The following OR2G6 variants were observed in gnomAD, a reference collection of about 807,000 sequenced individuals.
OR2G6 encodes the protein olfactory receptor 2G6.
For synonymous variants in OR2G6, 183 were observed against 155.2 expected (o/e 1.18, Z -1.33); for missense variants, 457 against 391.3 (o/e 1.17, Z -1.42).
intron 1 of OR2G6, among the ~76,000 whole-genome samples, chr1:248,521,041 A>T (rs904968435): frequency 2.9e-4 from 1 of 3,474 alleles, no homozygotes; most frequent in Non-Finnish European, 1.1e-3. Flanking sequence ...GATTCCATCT[A>T]AAAAAAAAAA....
At chr1:248,521,405 A>C (rs1664282651) in intron 1 of OR2G6, among the ~76,000 whole-genome samples, 1 of 152,286 alleles carries the variant, frequency 6.6e-6, no homozygotes, top group Admixed American at 6.5e-5. Flanking sequence ...ATGTTAATAC[A>C]ATACTTTTGT....
intron 1 of OR2G6, among the ~76,000 whole-genome samples, chr1:248,520,189 T>C (rs866588600): frequency 2.8e-4 from 43 of 151,880 alleles, no homozygotes; most frequent in Admixed American, 6.6e-4. Flanking sequence ...AAAGCAAACA[T>C]CGCATGTTCT....
In OR2G6 at chr1:248,526,530, T is replaced by C. The variant is rs1659116572; in HGVS notation, c.*3933T>C. 1 of 152,228 alleles carries C rather than the reference T, an allele frequency of 6.6e-6. No homozygotes were observed. The allele number at this position is 152,228 out of a possible 1,614,324, so 9.4% of individuals were successfully genotyped here. ...TAGGAAATCCTCCCTATACTCATGA[T>C]TTTTACCTTCAGGAGTCTCAACAGC... is the stretch of plus-strand genomic sequence containing the variant. On this transcript the variant is annotated 3_prime_UTR_variant, in exon 2 of 2. Transcript: ENST00000641804.
chr1:248,519,644 A>G (rs1664238082), intron 1 of OR2G6, among the ~76,000 whole-genome samples: 1 of 152,042 alleles, frequency 6.6e-6, no homozygotes, highest in African/African-American at 2.4e-5. Context: ...ATGGTTGTAG[A>G]TGTGCGGTGT....
Position 248,522,737 on chromosome 1 carries a change from C to G in OR2G6, c.*140C>G. ...TCTAAAGAAGGGAAACACCTCAAGGCAGCGTGAGGATTCATCCTCCCCAGA... is the reference window on the plus strand; with the variant it reads ...TCTAAAGAAGGGAAACACCTCAAGGGAGCGTGAGGATTCATCCTCCCCAGA... On this transcript the variant is annotated 3_prime_UTR_variant, in exon 2 of 2. Transcript: ENST00000641804. 1 of 623,606 alleles carries G rather than the reference C, an allele frequency of 1.6e-6. No homozygotes were observed. The highest frequency in any genetic ancestry group is 2.8e-6 in the Non-Finnish European group (1 of 361,360). The allele number at this position is 623,606 out of a possible 1,614,324, so 38.6% of individuals were successfully genotyped here. A position where few individuals can be genotyped will look rare whatever the true frequency, so the allele number is the denominator to read the frequency against.
At position 248,522,180 on chromosome 1, in the gene OR2G6, C is replaced by T. The variant is rs565936224; in HGVS notation, c.534C>T (p.Phe178=). The change falls in exon 2 of 2, where the codon TTC becomes TTT. Residue 178 remains phenylalanine, a synonymous_variant. Transcript: ENST00000641804. ...GTCATCGCACACTGGATCATATTTT[C>T]TGTGAGGTGCCAGTGCTCATCAAAC... ...LCGHRTLDHI[F]CEVPVLIKLA... 30 of 1,614,168 alleles carry T rather than the reference C, an allele frequency of 1.9e-5. No individual in the cohort carries two copies. The South Asian group carries it at 2.7e-4, about 15-fold the overall frequency.
chr1:248,521,667 C>A lies in OR2G6; in HGVS notation c.21C>A (p.Ser7Arg). ...GAAAAATGGAGGAAACCAACAACAG[C>A]TCTGAAAAGGGATTTCTTCTCCTGG... MEETNN[S>R]SEKGFLLLGF... Residue 7 changes from serine (S) to arginine (R), a missense_variant, in exon 2 of 2, where the codon AGC becomes AGA. Ser to Arg is a moderately radical substitution (Grantham distance 110, BLOSUM62 -1). Transcript: ENST00000641804. The A allele has an allele frequency of 6.2e-7, 1 of 1,613,480 alleles. No homozygotes were observed. Among genetic ancestry groups the A allele is most frequent in the Non-Finnish European group, 8.5e-7 (1 of 1,179,688 alleles).
chr1:248,519,417 C>A lies in OR2G6; in HGVS notation c.-36-2194C>A, dbSNP rs528448380. Among the ~76,000 whole-genome samples the A allele has an allele frequency of 7.8e-4, 117 of 149,474 alleles. 1 individual carries two copies. The highest frequency in any genetic ancestry group is 2.8e-3 in the African/African-American group (114 of 40,528). ...ATGAAGTCTTTACCCACGTCTATGT[C>A]CTGAATGGTATTGCCTAGGTTTTCT... On this transcript the variant is annotated intron_variant, in intron 1 of 1. Transcript: ENST00000641804.
rs140346942 is a variant in OR2G6, at chr1:248,519,809, A to G, written c.-36-1802A>G. Among the ~76,000 whole-genome samples the G allele has an allele frequency of 6.9e-3, 1,044 of 152,290 alleles. 13 individuals carry two copies. The highest frequency in any genetic ancestry group is 0.024 in the African/African-American group (991 of 41,550). On this transcript the variant is annotated intron_variant, in intron 1 of 1. Coordinates refer to ENST00000641804, the MANE Select transcript of OR2G6 (RefSeq NM_001013355.2). ...CTTTTTGCTTAGGATTGTCTTGGCT[A>G]TATGGCCTTTTTTTGGTTCCATATG...
At position 248,522,358 on chromosome 1, in the gene OR2G6, T is replaced by TA; in HGVS notation, c.712_713insA (p.Phe238TyrfsTer28). On this transcript the variant is annotated frameshift_variant, in exon 2 of 2. Transcript: ENST00000641804. LOFTEE classifies it low-confidence loss of function (END_TRUNC). ...ATCAGCTGCGGGCCGCCAAAAGGCC[T>TA]TTGGGACCTGTTCGTCTCACCTGGT... The TA allele has an allele frequency of 6.2e-7, 1 of 1,614,206 alleles. No individual in the cohort carries two copies.
At position 248,521,887 on chromosome 1, in the gene OR2G6, T is replaced by C. The variant is rs1445827823; in HGVS notation, c.241T>C (p.Leu81=). The change falls in exon 2 of 2, where the codon TTG becomes CTG. Residue 81 remains leucine (L), a synonymous_variant. Coordinates refer to ENST00000641804, the MANE Select transcript of OR2G6 (RefSeq NM_001013355.2). ...ICFTTSVAPQ[L]LVTMNKKDKT... is the part of the protein sequence containing the mutation. ...CTTTACCACCAGTGTTGCCCCACAG[T>C]TGCTGGTTACCATGAATAAGAAAGA... is the stretch of plus-strand genomic sequence containing the variant. The C allele has an allele frequency of 1.5e-5, 25 of 1,614,050 alleles. No individual in the cohort carries two copies. Among genetic ancestry groups the C allele is most frequent in the African/African-American group, 2.7e-5 (2 of 74,918 alleles).
rs942326001 is a variant in OR2G6, at chr1:248,525,796, A to C, written c.*3199A>C. ...TTTGGGAGGCTGAGTCAGGTGGATC[A>C]TGAGGTCAGGAGTTCAAGCTCAGCC... is the stretch of plus-strand genomic sequence containing the variant. On this transcript the variant is annotated 3_prime_UTR_variant, in exon 2 of 2. Coordinates refer to ENST00000641804, the MANE Select transcript of OR2G6 (RefSeq NM_001013355.2). 6.6e-6 allele frequency: 1 copy of C among 152,122 alleles called. No homozygotes were observed. Among genetic ancestry groups the C allele is most frequent in the African/African-American group, 2.4e-5 (1 of 41,428 alleles). 9.4% of individuals were successfully genotyped at this position (152,122 alleles called of 1,614,324 possible). A position where few individuals can be genotyped will look rare whatever the true frequency, so the allele number is the denominator to read the frequency against.
chr1:248,523,663 C>G lies in OR2G6; in HGVS notation c.*1066C>G, dbSNP rs1390329637. The G allele has an allele frequency of 1.2e-5, 1 of 83,924 alleles. No individual in the cohort carries two copies. The highest frequency in any genetic ancestry group is 2.6e-5 in the Non-Finnish European group (1 of 38,818). 5.2% of individuals were successfully genotyped at this position (83,924 alleles called of 1,614,324 possible). ...TTATATTTGACCAAACTTTTACTTT[C>G]TGATTTAATTCTGTCTCTATCTCTC... On this transcript the variant is annotated 3_prime_UTR_variant, in exon 2 of 2. Transcript: ENST00000641804.
chr1:248,521,331 G>A (rs1664281646), intron 1 of OR2G6, among the ~76,000 whole-genome samples: 1 of 152,096 alleles, frequency 6.6e-6, no homozygotes, highest in Non-Finnish European at 1.5e-5. Flanking sequence ...ATATATCGGT[G>A]TAAAAATGGG....
intron 1 of OR2G6, among the ~76,000 whole-genome samples, chr1:248,520,359 T>C (rs1307302883): frequency 6.6e-6 from 1 of 151,992 alleles, no homozygotes; most frequent in African/African-American, 2.4e-5. Context: ...GAAACCACCA[T>C]GGCATGTGTA....
In OR2G6 at chr1:248,524,892, T is replaced by TG. The variant is rs1444017120; in HGVS notation, c.*2295_*2296insG. 1.3e-5 allele frequency: 2 copies of TG among 152,084 alleles called. No homozygotes were observed. Among genetic ancestry groups the TG allele is most frequent in the African/African-American group, 4.8e-5 (2 of 41,386 alleles). The allele number at this position is 152,084 out of a possible 1,614,324, so 9.4% of individuals were successfully genotyped here. A position where few individuals can be genotyped will look rare whatever the true frequency, so the allele number is the denominator to read the frequency against. On this transcript the variant is annotated 3_prime_UTR_variant, in exon 2 of 2. Transcript: ENST00000641804. ...CAAAAGGAAACCAGAAAATAATAGA[T>TG]ATAACATAGGCAAAGCAACCTAAAA...
chr1:248,519,490 T>C (rs904252721), intron 1 of OR2G6, among the ~76,000 whole-genome samples: 1 of 151,828 alleles, frequency 6.6e-6, no homozygotes, highest in Non-Finnish European at 1.5e-5. Flanking sequence ...CTTTAATCTA[T>C]CTTGAGTTAA....
rs1664318632 is a variant in OR2G6, at chr1:248,522,757, C to T, written c.*160C>T. The T allele has an allele frequency of 1.7e-6, 1 of 585,482 alleles. No individual in the cohort carries two copies. Among genetic ancestry groups the T allele is most frequent in the Admixed American group, 3.2e-5 (1 of 31,740 alleles). The allele number at this position is 585,482 out of a possible 1,614,324, so 36.3% of individuals were successfully genotyped here. ...CAAGGCAGCGTGAGGATTCATCCTCCCCAGACATTCCTCTTGTCAATCCCA... is the reference window on the plus strand; with the variant it reads ...CAAGGCAGCGTGAGGATTCATCCTCTCCAGACATTCCTCTTGTCAATCCCA... On this transcript the variant is annotated 3_prime_UTR_variant, in exon 2 of 2. Transcript: ENST00000641804.
In OR2G6 at chr1:248,521,741, T is replaced by C; in HGVS notation, c.95T>C (p.Leu32Ser). 2 of 1,614,182 alleles carry C rather than the reference T, an allele frequency of 1.2e-6. No individual in the cohort carries two copies. The highest frequency in any genetic ancestry group is 3.3e-4 in the Middle Eastern group (2 of 6,062). ...GAGAGGTTTCTTTTTGCCATCATTT[T>C]GTACTTCTACGTCTTGAGCCTTCTG... ...QLERFLFAII[L>S]YFYVLSLLGN... The change falls in exon 2 of 2, where the codon TTG becomes TCG. Residue 32 changes from leucine (L) to serine (S), a missense_variant. Leu to Ser is a moderately radical substitution (Grantham distance 145). Coordinates refer to ENST00000641804, the MANE Select transcript of OR2G6 (RefSeq NM_001013355.2).
Sources: gnomAD v4.1 joint callset for allele counts (sites outside exome capture counted in the v4.1 genomes callset) on GRCh38, gnomAD v4.1.1 for gene constraint, MANE v1.5 for transcripts, NCBI Gene and HGNC (gene_info 2026-07-23, HGNC 2026-07-21) for gene names.